Variants in TMEM132D observed in about 807,000 individuals in gnomAD.
TMEM132D encodes the protein transmembrane protein 132D.
Under a neutral mutation model 62.3 loss-of-function variants are expected in TMEM132D, and 21 were observed. That is an observed-to-expected ratio of 0.34 (90% CI 0.24 to 0.49). The LOEUF (loss-of-function observed/expected upper bound fraction) is 0.49. Ranked by LOEUF, TMEM132D falls within the 20% of genes least tolerant of loss-of-function variation. TMEM132D has a pLI of 0.99. For synonymous variants in TMEM132D, 621 were observed against 575.6 expected (o/e 1.08, Z -1.13); for missense variants, 1,346 against 1,402.8 (o/e 0.96, Z 0.65).
At chr12:129,306,057 A>G (rs2135631331) in intron 4 of TMEM132D, among the ~76,000 whole-genome samples, 1 of 152,314 alleles carries the variant, frequency 6.6e-6, no homozygotes, top group Admixed American at 6.5e-5. Context: ...GGTTTAACTC[A>G]GAGAAGTGGT....
Position 129,089,461 on chromosome 12 carries a change from C to CG in TMEM132D, c.1444-4760dup, listed in dbSNP as rs570525721. 7.7e-5 allele frequency among the ~76,000 whole-genome samples: 2 copies of CG among 25,826 alleles called. 1 individual carries two copies. 16.9% of individuals were successfully genotyped at this position (25,826 alleles called of 152,430 possible). Reference sequence around the variant, plus strand: ...CCATGACCGGGGTGTCCTCTATGACCGGGTGTCCTCCATGACCGGGTGTCC... The same window carrying CG: ...CCATGACCGGGGTGTCCTCTATGACCGGGGTGTCCTCCATGACCGGGTGTCC... On this transcript the variant is annotated intron_variant, in intron 5 of 8. Coordinates refer to ENST00000422113, the MANE Select transcript of TMEM132D (RefSeq NM_133448.3).
chr12:129,206,344 T>A (rs1231837290), intron 5 of TMEM132D, among the ~76,000 whole-genome samples: 1 of 152,154 alleles, frequency 6.6e-6, no homozygotes, highest in Non-Finnish European at 1.5e-5. Flanking sequence ...AATAAGCATA[T>A]GAGAAAATGC....
intron 2 of TMEM132D, among the ~76,000 whole-genome samples, chr12:129,555,719 C>T (rs184940728): frequency 1.1e-3 from 173 of 152,064 alleles, no homozygotes; most frequent in African/African-American, 4.0e-3. Context: ...TTTTATAACC[C>T]AAATACAATA....
chr12:129,862,729 CT>C (rs1311320581), intron 1 of TMEM132D, among the ~76,000 whole-genome samples: 1 of 152,122 alleles, frequency 6.6e-6, no homozygotes, highest in Admixed American at 6.5e-5. Flanking sequence ...TGAGTCTGGG[CT>C]TCAAAAGCAC....
Position 129,173,894 on chromosome 12 carries a change from C to G in TMEM132D, c.1443+35626G>C, listed in dbSNP as rs966379382. Reference sequence around the variant, plus strand: ...TGAGGAGGTGATGAAAATCTGTAATCCTTTTTCAGGGTTTTCAGATGTTCC... The same window carrying G: ...TGAGGAGGTGATGAAAATCTGTAATGCTTTTTCAGGGTTTTCAGATGTTCC... On this transcript the variant is annotated intron_variant, in intron 5 of 8. Coordinates refer to ENST00000422113, the MANE Select transcript of TMEM132D (RefSeq NM_133448.3). Among the ~76,000 whole-genome samples, 5 of 152,072 alleles carry G rather than the reference C, an allele frequency of 3.3e-5. No homozygotes were observed. The East Asian group carries it at 7.7e-4, about 23-fold the overall frequency.
intron 2 of TMEM132D, among the ~76,000 whole-genome samples, chr12:129,585,827 G>GTC (rs941448866): frequency 1.6e-4 from 24 of 151,384 alleles, no homozygotes; most frequent in African/African-American, 5.8e-4. Flanking sequence ...GTGTGTGTGT[G>GTC]TGTGTGTGTG....
chr12:129,253,883 A>G (rs1319061091), intron 4 of TMEM132D, among the ~76,000 whole-genome samples: 1 of 152,220 alleles, frequency 6.6e-6, no homozygotes, highest in African/African-American at 2.4e-5. Context: ...CAAAAAATTA[A>G]CTTCCTACCA....
At chr12:129,528,694 T>G (rs1876127928) in intron 3 of TMEM132D, among the ~76,000 whole-genome samples, 1 of 152,246 alleles carries the variant, frequency 6.6e-6, no homozygotes. Context: ...GCATACAAAT[T>G]TGTATCATAA....
Position 129,803,792 on chromosome 12 carries a change from G to A in TMEM132D, c.79+99469C>T, listed in dbSNP as rs568984324. On this transcript the variant is annotated intron_variant, in intron 1 of 8. Coordinates refer to ENST00000422113, the MANE Select transcript of TMEM132D (RefSeq NM_133448.3). ...GATCAACAAAATAGATAGACCGCTA[G>A]CAAGACTAATAAAGAAAAAAAGAGA... Among the ~76,000 whole-genome samples the A allele has an allele frequency of 4.6e-3, 702 of 151,660 alleles. 12 individuals are homozygous for A. Among genetic ancestry groups the A allele is most frequent in the African/African-American group, 0.016 (664 of 41,294 alleles).
intron 3 of TMEM132D, among the ~76,000 whole-genome samples, chr12:129,342,511 A>G (rs939256161): frequency 1.2e-4 from 18 of 152,138 alleles, no homozygotes; most frequent in Non-Finnish European, 2.5e-4. Flanking sequence ...GGACATAGGC[A>G]TGGGCAAGGA....
rs75183873 is a variant in TMEM132D at position 129,327,239 on chromosome 12, C to T, written c.1299+10395G>A. Reference sequence around the variant, plus strand: ...GCGGGGCAGCCTGTTCCATGAAATCCGTAAAGGAAAGACCCCAGGGGCACA... The same window carrying T: ...GCGGGGCAGCCTGTTCCATGAAATCTGTAAAGGAAAGACCCCAGGGGCACA... On this transcript the variant is annotated intron_variant, in intron 4 of 8. Transcript: ENST00000422113. 9.3e-3 allele frequency among the ~76,000 whole-genome samples: 1,415 copies of T among 152,154 alleles called. 31 individuals are homozygous for T. Among genetic ancestry groups the T allele is most frequent in the African/African-American group, 0.032 (1,347 of 41,488 alleles).
chr12:129,216,907 T>G (rs1366756219), intron 4 of TMEM132D, among the ~76,000 whole-genome samples: 1 of 152,254 alleles, frequency 6.6e-6, no homozygotes. Flanking sequence ...GACCGCCTCA[T>G]GATTTCTTAT....
chr12:129,235,362 C>T (rs1367551756), intron 4 of TMEM132D, among the ~76,000 whole-genome samples: 2 of 151,384 alleles, frequency 1.3e-5, no homozygotes, highest in African/African-American at 2.4e-5. Context: ...TTCATTCACA[C>T]TCTTTTGTGG....
At chr12:129,791,464 G>A (rs532132178) in intron 1 of TMEM132D, among the ~76,000 whole-genome samples, 1 of 152,250 alleles carries the variant, frequency 6.6e-6, no homozygotes, top group South Asian at 2.1e-4. Context: ...AAACAGTAGA[G>A]AATAATACAG....
chr12:129,697,887 A>G (rs145387558), intron 2 of TMEM132D, among the ~76,000 whole-genome samples: 1 of 151,516 alleles, frequency 6.6e-6, no homozygotes, highest in East Asian at 1.9e-4. Context: ...ATTCAGTGCT[A>G]CACACATCAC....
intron 1 of TMEM132D, among the ~76,000 whole-genome samples, chr12:129,774,496 G>C (rs1450804787): frequency 1.3e-5 from 2 of 152,148 alleles, no homozygotes; most frequent in Non-Finnish European, 2.9e-5. Context: ...CAAGCAGGTG[G>C]GGGGCCCGTT....
intron 3 of TMEM132D, among the ~76,000 whole-genome samples, chr12:129,447,827 A>C (rs1873150717): frequency 6.6e-6 from 1 of 151,932 alleles, no homozygotes; most frequent in African/African-American, 2.4e-5. Context: ...TTCCTTGTCA[A>C]CTCCACCACT....
At chr12:129,523,557 C>T (rs1169751345) in intron 3 of TMEM132D, among the ~76,000 whole-genome samples, 9 of 152,168 alleles carry the variant, frequency 5.9e-5, no homozygotes, top group Non-Finnish European at 1.3e-4. Flanking sequence ...CTAGCAAAGA[C>T]GCGTGGCGGT....
At chr12:129,103,120 TA>T (rs1431711328) in intron 5 of TMEM132D, among the ~76,000 whole-genome samples, 2 of 152,218 alleles carry the variant, frequency 1.3e-5, no homozygotes, top group South Asian at 4.1e-4. Flanking sequence ...ATGTTTGATT[TA>T]CCAGCTGTTT....
Sources: allele counts gnomAD v4.1 joint callset (sites outside exome capture counted in the v4.1 genomes callset), GRCh38; gene constraint gnomAD v4.1.1; transcripts MANE v1.5; gene names NCBI Gene and HGNC (gene_info 2026-07-23, HGNC 2026-07-21).